The following RIMS1 variants were observed in gnomAD, a reference collection of about 807,000 sequenced individuals.
The protein encoded by RIMS1 is regulating synaptic membrane exocytosis protein 1.
In RIMS1, 83 loss-of-function variants were observed where a neutral mutation model predicts 214.1. The observed-to-expected ratio is 0.39, with a 90% CI of 0.32 to 0.47. The LOEUF (loss-of-function observed/expected upper bound fraction) is 0.47. Ranked by LOEUF, RIMS1 falls within the 20% of genes least tolerant of loss-of-function variation. The pLI, the probability that RIMS1 is intolerant of heterozygous loss-of-function variation, is 0.99. For missense variants in RIMS1, 2,050 were observed against 2,161.8 expected, an observed-to-expected ratio of 0.95 and a Z score of 1.03; for synonymous variants, 793 against 786.8, an observed-to-expected ratio of 1.01 and a Z score of -0.13.
intron 1 of RIMS1, among the ~76,000 whole-genome samples, chr6:71,899,579 A>C (rs1772957542): frequency 6.6e-6 from 1 of 152,096 alleles, no homozygotes; most frequent in African/African-American, 2.4e-5. Context: ...GAAGACTTGA[A>C]ACATTCTTCT....
At chr6:71,986,750 A>G (rs1015408015) in intron 2 of RIMS1, among the ~76,000 whole-genome samples, 1 of 152,206 alleles carries the variant, frequency 6.6e-6, no homozygotes, top group Admixed American at 6.5e-5. Flanking sequence ...TATGAAAAAT[A>G]TTTTTCCACC....
At chr6:72,342,790 A>G (rs2097139432) in intron 29 of RIMS1, among the ~76,000 whole-genome samples, 1 of 151,852 alleles carries the variant, frequency 6.6e-6, no homozygotes, top group East Asian at 1.9e-4. Context: ...AACAGAGGCG[A>G]TAATTCAAGA....
chr6:72,266,698 G>C (rs2080721770), intron 22 of RIMS1, among the ~76,000 whole-genome samples: 1 of 151,976 alleles, frequency 6.6e-6, no homozygotes, highest in Non-Finnish European at 1.5e-5. Flanking sequence ...TATATTCATT[G>C]ATGTTGTGTT....
chr6:72,289,537 T>C (rs1274273324), intron 24 of RIMS1, among the ~76,000 whole-genome samples: 2 of 152,212 alleles, frequency 1.3e-5, no homozygotes, highest in African/African-American at 2.4e-5. Flanking sequence ...AATACGCCTT[T>C]ATTAAAGACC....
intron 29 of RIMS1, among the ~76,000 whole-genome samples, chr6:72,359,774 A>G (rs982044836): frequency 2.0e-4 from 30 of 152,184 alleles, no homozygotes; most frequent in African/African-American, 6.3e-4. Context: ...CACAACACAT[A>G]AATCACAAAG....
chr6:72,190,518 A>G (rs1007946556), intron 6 of RIMS1, among the ~76,000 whole-genome samples: 2 of 150,084 alleles, frequency 1.3e-5, no homozygotes, highest in African/African-American at 2.4e-5. Context: ...TGTAGGGGCT[A>G]TAGTGCTGGA....
chr6:72,133,686 T>A (rs771319116), intron 4 of RIMS1, among the ~76,000 whole-genome samples: 1 of 152,152 alleles, frequency 6.6e-6, no homozygotes, highest in Non-Finnish European at 1.5e-5. Context: ...GACACCAAGT[T>A]TTCTGCAACT....
At chr6:71,972,848 G>T (rs541591840) in intron 2 of RIMS1, among the ~76,000 whole-genome samples, 1 of 152,304 alleles carries the variant, frequency 6.6e-6, no homozygotes, top group African/African-American at 2.4e-5. Context: ...AAGAGAAAAT[G>T]ATTTATTCTG....
At chr6:72,136,500 C>G (rs2041302377) in intron 4 of RIMS1, among the ~76,000 whole-genome samples, 1 of 151,994 alleles carries the variant, frequency 6.6e-6, no homozygotes, top group Non-Finnish European at 1.5e-5. Context: ...GTTAATTAAG[C>G]AATATATTCA....
At chr6:72,184,965 G>A (rs2048893625) in intron 6 of RIMS1, among the ~76,000 whole-genome samples, 1 of 152,156 alleles carries the variant, frequency 6.6e-6, no homozygotes, top group Non-Finnish European at 1.5e-5. Flanking sequence ...TGTACAAGAA[G>A]GCCTAGACAA....
chr6:72,366,711 G>C, intron 29 of RIMS1: 2 of 985,748 alleles, frequency 2.0e-6, no homozygotes, highest in Non-Finnish European at 2.4e-6. Flanking sequence ...AGAGAGAATG[G>C]GAGAGAGACA....
chr6:72,160,859 C>A (rs1234292216), intron 4 of RIMS1, among the ~76,000 whole-genome samples: 1 of 139,946 alleles, frequency 7.1e-6, no homozygotes, highest in East Asian at 2.0e-4. Context: ...TTTGTTGTGT[C>A]TCTGCCAGGC....
At chr6:71,951,113 A>C (rs1327933298) in intron 1 of RIMS1, among the ~76,000 whole-genome samples, 2 of 152,222 alleles carry the variant, frequency 1.3e-5, no homozygotes, top group African/African-American at 2.4e-5. Context: ...AATCAAAATA[A>C]GCACATATGG....
At chr6:72,044,156 G>A (rs1487206359) in intron 2 of RIMS1, among the ~76,000 whole-genome samples, 3 of 151,582 alleles carry the variant, frequency 2.0e-5, no homozygotes, top group Non-Finnish European at 4.4e-5. Flanking sequence ...AGACATTGCT[G>A]AAACAACTGG....
intron 4 of RIMS1, among the ~76,000 whole-genome samples, chr6:72,111,859 A>G (rs984577500): frequency 2.2e-4 from 33 of 152,114 alleles, no homozygotes; most frequent in Admixed American, 5.2e-4. Flanking sequence ...CTTTCCCCAC[A>G]GTTGTCCCAT....
At chr6:72,137,535 A>G (rs1246322863) in intron 4 of RIMS1, among the ~76,000 whole-genome samples, 1 of 151,330 alleles carries the variant, frequency 6.6e-6, no homozygotes, top group Non-Finnish European at 1.5e-5. Context: ...TTATTTTTCT[A>G]TTGAGTTGTA....
intron 28 of RIMS1, among the ~76,000 whole-genome samples, chr6:72,316,393 C>T (rs535538934): frequency 6.6e-6 from 1 of 152,182 alleles, no homozygotes; most frequent in African/African-American, 2.4e-5. Flanking sequence ...ATAGGGGAAA[C>T]AGAGGCATGA....
chr6:71,931,286 G>C (rs1782954195), intron 1 of RIMS1, among the ~76,000 whole-genome samples: 1 of 151,898 alleles, frequency 6.6e-6, no homozygotes, highest in Admixed American at 6.6e-5. Flanking sequence ...ATATAAAAGA[G>C]AACAGCAAGA....
chr6:72,100,205 A>G (rs1295298517), intron 4 of RIMS1, among the ~76,000 whole-genome samples: 2 of 152,208 alleles, frequency 1.3e-5, no homozygotes, highest in Middle Eastern at 3.4e-3. Context: ...TCATGATGAC[A>G]GTGAAATTTT....
Sources: gnomAD v4.1 joint callset for allele counts (sites outside exome capture counted in the v4.1 genomes callset) on GRCh38, gnomAD v4.1.1 for gene constraint, MANE v1.5 for transcripts, NCBI Gene and HGNC (gene_info 2026-07-23, HGNC 2026-07-21) for gene names.